DPYD: variants seen among roughly 807,000 people sequenced by gnomAD.
DPYD encodes dihydropyrimidine dehydrogenase [NADP(+)].
A neutral mutation model predicts 116.2 loss-of-function variants in DPYD; 109 were observed. The observed-to-expected ratio is 0.94, with a 90% CI of 0.80 to 1.10. DPYD has a LOEUF of 1.10. Ranked by LOEUF, DPYD falls within the 50% of genes least tolerant of loss-of-function variation. DPYD has a pLI of 0.00. For synonymous variants in DPYD, 440 were observed against 432.0 expected (o/e 1.02, Z -0.23); for missense variants, 1,302 against 1,254.5 (o/e 1.04, Z -0.57).
chr1:97,871,924 C>A (rs79206149), intron 2 of DPYD, among the ~76,000 whole-genome samples: 1,563 of 151,834 alleles, frequency 0.01, 14 homozygotes, highest in Non-Finnish European at 0.018. Context: ...TATATATATG[C>A]CAACCACGAT....
At chr1:97,751,450 GTGTGTGTGTGTATATATATATA>G (rs1664892138) in intron 3 of DPYD, among the ~76,000 whole-genome samples, 1 of 33,208 alleles carries the variant, frequency 3.0e-5, no homozygotes, top group South Asian at 2.3e-3. Flanking sequence ...GTGTGTGTGT[GTGTGTGTGTGTATATATATATA>G]TATATATATA....
chr1:97,340,175 T>C (rs1669520384), intron 16 of DPYD, among the ~76,000 whole-genome samples: 1 of 151,828 alleles, frequency 6.6e-6, no homozygotes, highest in African/African-American at 2.4e-5. Flanking sequence ...TACCACTATA[T>C]ATGTTAATGG....
chr1:97,743,052 G>C (rs560137226), intron 3 of DPYD, among the ~76,000 whole-genome samples: 2 of 152,002 alleles, frequency 1.3e-5, no homozygotes, highest in Admixed American at 1.3e-4. Context: ...GTATTTTTCT[G>C]TTCTTCCAGA....
chr1:97,819,057 G>A (rs1339117750), intron 3 of DPYD, among the ~76,000 whole-genome samples: 5 of 151,820 alleles, frequency 3.3e-5, no homozygotes, highest in African/African-American at 1.2e-4. Flanking sequence ...TTTGTCTTTT[G>A]ATTTCAAAAA....
intron 16 of DPYD, among the ~76,000 whole-genome samples, chr1:97,371,049 T>C (rs1671286100): frequency 6.6e-6 from 1 of 152,154 alleles, no homozygotes; most frequent in Non-Finnish European, 1.5e-5. Flanking sequence ...ACTTATTTTA[T>C]ATAGATGTGT....
intron 8 of DPYD, among the ~76,000 whole-genome samples, chr1:97,640,614 T>C (rs1296408956): frequency 6.6e-6 from 1 of 152,142 alleles, no homozygotes; most frequent in Non-Finnish European, 1.5e-5. Flanking sequence ...CGGCAATTTA[T>C]TTACTTTCTG....
At chr1:97,856,229 G>T (rs1054635412) in intron 2 of DPYD, 2 of 152,188 alleles carry the variant, frequency 1.3e-5, no homozygotes, top group African/African-American at 2.4e-5. Flanking sequence ...AAAATTGCTG[G>T]TGGAAATTTC....
At chr1:97,838,445 T>C (rs1456715256) in intron 2 of DPYD, among the ~76,000 whole-genome samples, 1 of 152,228 alleles carries the variant, frequency 6.6e-6, no homozygotes. Context: ...TTTTAAAATT[T>C]TGCTCATCAA....
At chr1:97,254,992 T>C (rs1364380634) in intron 18 of DPYD, among the ~76,000 whole-genome samples, 2 of 152,146 alleles carry the variant, frequency 1.3e-5, no homozygotes, top group African/African-American at 4.8e-5. Context: ...TCTGTGGTTG[T>C]GGTAAACTGT....
Position 97,241,602 on chromosome 1 carries a change from A to G in DPYD, c.2300-6608T>C, listed in dbSNP as rs1662345990. On this transcript the variant is annotated intron_variant, in intron 18 of 22. Coordinates refer to ENST00000370192, the MANE Select transcript of DPYD (RefSeq NM_000110.4). The stretch of plus-strand genomic sequence containing the variant: ...CATCTCTGGATTATTTTTGCCTAAG[A>G]AAACTAGTATCAGTACAGACTGATG... 2.0e-5 allele frequency among the ~76,000 whole-genome samples: 3 copies of G among 152,084 alleles called. No individual in the cohort carries two copies. The South Asian group carries it at 6.2e-4, about 32-fold the overall frequency.
intron 1 of DPYD, among the ~76,000 whole-genome samples, chr1:97,898,826 A>T (rs1673213145): frequency 6.6e-6 from 1 of 151,906 alleles, no homozygotes; most frequent in Non-Finnish European, 1.5e-5. Context: ...CCTCTGCATA[A>T]GCTTTCTTGC....
At chr1:97,421,428 T>C (rs565817431) in intron 14 of DPYD, among the ~76,000 whole-genome samples, 1 of 150,346 alleles carries the variant, frequency 6.7e-6, no homozygotes, top group South Asian at 2.1e-4. Context: ...AAGCTTAAAA[T>C]TTCTGAGCAA....
chr1:97,872,138 G>C (rs984874559), intron 2 of DPYD, among the ~76,000 whole-genome samples: 7 of 151,790 alleles, frequency 4.6e-5, no homozygotes, highest in Non-Finnish European at 8.8e-5. Context: ...TGACAACTGA[G>C]CTCTTTGGGT....
At chr1:97,722,782 G>T (rs1662995720) in intron 4 of DPYD, among the ~76,000 whole-genome samples, 1 of 151,274 alleles carries the variant, frequency 6.6e-6, no homozygotes, top group Non-Finnish European at 1.5e-5. Context: ...TATATCCCCA[G>T]CACTTTAAAA....
intron 20 of DPYD, among the ~76,000 whole-genome samples, chr1:97,157,011 G>A (rs372418230): frequency 1.5e-3 from 218 of 148,180 alleles, no homozygotes; most frequent in African/African-American, 4.8e-3. Flanking sequence ...GTAAACTATC[G>A]CAAGAACAAA....
chr1:97,480,142 AG>A (rs1190619490), intron 13 of DPYD, among the ~76,000 whole-genome samples: 5 of 152,172 alleles, frequency 3.3e-5, no homozygotes, highest in Middle Eastern at 3.2e-3. Flanking sequence ...TTTTTACTCT[AG>A]AAATTTTAAA....
intron 20 of DPYD, among the ~76,000 whole-genome samples, chr1:97,190,312 C>T (rs185183989): frequency 3.1e-4 from 47 of 152,242 alleles, no homozygotes; most frequent in Admixed American, 1.6e-3. Context: ...ACTTCTCAAT[C>T]TCTCACTGTT....
intron 8 of DPYD, among the ~76,000 whole-genome samples, chr1:97,676,362 C>T (rs752623721): frequency 2.0e-5 from 3 of 152,048 alleles, no homozygotes; most frequent in East Asian, 1.9e-4. Flanking sequence ...GTGTAACTTC[C>T]GGCTCATAAA....
chr1:97,778,069 G>A (rs1301101083), intron 3 of DPYD, among the ~76,000 whole-genome samples: 13 of 146,770 alleles, frequency 8.9e-5, no homozygotes, highest in African/African-American at 3.3e-4. Flanking sequence ...GAGGCACCAG[G>A]ACAGCTTGAA....
Sources: allele counts gnomAD v4.1 joint callset (sites outside exome capture counted in the v4.1 genomes callset), GRCh38; gene constraint gnomAD v4.1.1; transcripts MANE v1.5; gene names NCBI Gene and HGNC (gene_info 2026-07-23, HGNC 2026-07-21).